The following DDX60L variants were observed in gnomAD, a reference collection of about 807,000 sequenced individuals.
The protein encoded by DDX60L is probable ATP-dependent RNA helicase DDX60-like.
In DDX60L, 191 loss-of-function variants were observed where a neutral mutation model predicts 211.6. That is an observed-to-expected ratio of 0.90 (90% CI 0.80 to 1.02). The LOEUF (loss-of-function observed/expected upper bound fraction) is 1.02. Among genes scored for constraint, DDX60L ranks in the 50% least tolerant of loss-of-function variants. The pLI is 0.00. For missense variants in DDX60L, 2,007 were observed against 1,984.1 expected, an observed-to-expected ratio of 1.01 and a Z score of -0.22; for synonymous variants, 706 against 694.1, an observed-to-expected ratio of 1.02 and a Z score of -0.27.
chr4:168,424,861 G>T (rs930736056), intron 14 of DDX60L, among the ~76,000 whole-genome samples: 1 of 152,168 alleles, frequency 6.6e-6, no homozygotes, highest in African/African-American at 2.4e-5. Flanking sequence ...TAATCTCTCT[G>T]TGGTTTGGTG....
In DDX60L at chr4:168,422,638, C is replaced by G. The variant is rs762455081; in HGVS notation, c.2130G>C (p.Ser710=). The stretch of plus-strand genomic sequence containing the variant: ...GAAACCGAGCTGGTCCAATGTCAAT[C>G]GAATATTTCTTCTTATTTTTGTCAT... ...IGDDKNKKKY[S]IDIGPARFQL... The change falls in exon 16 of 38, where the codon TCG becomes TCC. Residue 710 remains serine (S), a synonymous_variant. Transcript: ENST00000682922. 2.5e-6 allele frequency: 4 copies of G among 1,608,492 alleles called. No individual in the cohort carries two copies. In the African/African-American group the frequency reaches 4.0e-5, roughly 16 times the overall value.
rs1254447238 is a variant in DDX60L, at chr4:168,419,334, C to A, written c.2578G>T (p.Val860Leu). 3 of 1,599,198 alleles carry A rather than the reference C, an allele frequency of 1.9e-6. No homozygotes were observed. Among genetic ancestry groups the A allele is most frequent in the African/African-American group, 2.7e-5 (2 of 74,710 alleles). ...LLLAPHRQKW[V>L]ERIRYVIFDE... ...AATATAACATATCTGATCCTTTCCA[C>A]CCATTTTTGGCGATGAGGAGCAAGC... The change falls in exon 19 of 38, where the codon GTG becomes TTG. Residue 860 changes from valine (V) to leucine (L), a missense_variant. Coordinates refer to ENST00000682922, the MANE Select transcript of DDX60L (RefSeq NM_001012967.3).
At chr4:168,391,747 A>C in intron 28 of DDX60L, 103 bp from the exon 29 acceptor site, 2 of 567,348 alleles carry the variant, frequency 3.5e-6, no homozygotes, top group Non-Finnish European at 6.0e-6. Flanking sequence ...TAGAGCTTTA[A>C]CAAACCACAT....
chr4:168,432,956 C>T, intron 11 of DDX60L, 54 bp downstream of exon 11: 1 of 1,103,838 alleles, frequency 9.1e-7, no homozygotes, highest in South Asian at 1.4e-5. Context: ...TCATTCACTT[C>T]ACTAGTATTT....
At chr4:168,420,642 GAGAT>G (rs3068291) in intron 17 of DDX60L, among the ~76,000 whole-genome samples, 47,545 of 135,670 alleles carry the variant, frequency 0.35, 8,482 homozygotes, top group East Asian at 0.51. Context: ...ACACACACAT[GAGAT>G]AGATAGATAG....
At position 168,400,836 on chromosome 4, in the gene DDX60L, G is replaced by T; in HGVS notation, c.3481C>A (p.Gln1161Lys). The T allele has an allele frequency of 6.2e-7, 1 of 1,610,666 alleles. No homozygotes were observed. The highest frequency in any genetic ancestry group is 8.5e-7 in the Non-Finnish European group (1 of 1,178,602). Residue 1161 changes from glutamine (Q) to lysine (K), a missense_variant, in exon 26 of 38, where the codon CAG becomes AAG. Physicochemically the swap from Gln to Lys is moderately conservative, Grantham distance 53. Transcript: ENST00000682922. ...DEVLEKVRKT[Q>K]KRITKKNPKK... Reference sequence around the variant, plus strand: ...AACATTAATACTTACATCCTTTTCTGTGTCTTCCTCACTTTTTCAAGTACT... The same window carrying T: ...AACATTAATACTTACATCCTTTTCTTTGTCTTCCTCACTTTTTCAAGTACT...
intron 36 of DDX60L, among the ~76,000 whole-genome samples, chr4:168,369,533 A>G (rs1402583532): frequency 1.3e-5 from 2 of 151,756 alleles, no homozygotes; most frequent in South Asian, 2.1e-4. Flanking sequence ...CTGGGCAAGG[A>G]TTTTTTAAAT....
rs762827126 is a variant in DDX60L at position 168,456,145 on chromosome 4, T to C, written c.731A>G (p.Gln244Arg). Residue 244 changes from glutamine (Q) to arginine (R), a missense_variant, in exon 7 of 38, where the codon CAG (glutamine) becomes CGG (arginine). Coordinates refer to ENST00000682922, the MANE Select transcript of DDX60L (RefSeq NM_001012967.3). ...KWNDMMEEAYQTLFLLQHLWS... is the reference protein window; with the variant it reads ...KWNDMMEEAYRTLFLLQHLWS... ...TAGGTGCTGAAGCAGAAATAGAGTC[T>C]GATACGCCTATCAAAAAAGAAATTT... 1.2e-5 allele frequency: 19 copies of C among 1,543,646 alleles called. No homozygotes were observed. The highest frequency in any genetic ancestry group is 1.6e-5 in the Non-Finnish European group (19 of 1,152,698).
At chr4:168,447,809 A>G (rs1755049523) in intron 9 of DDX60L, among the ~76,000 whole-genome samples, 1 of 146,058 alleles carries the variant, frequency 6.8e-6, no homozygotes, top group South Asian at 2.2e-4. Flanking sequence ...ATTCTCACTC[A>G]TAGGTGGGAA....
chr4:168,387,302 C>T (rs1366650636), intron 29 of DDX60L, among the ~76,000 whole-genome samples: 5 of 152,242 alleles, frequency 3.3e-5, no homozygotes. Flanking sequence ...ATCTCCACTC[C>T]TAGCTGTTTG....
At chr4:168,372,563 T>TA (rs2149640306) in intron 35 of DDX60L, among the ~76,000 whole-genome samples, 1 of 151,882 alleles carries the variant, frequency 6.6e-6, no homozygotes, top group East Asian at 1.9e-4. Context: ...CCATCTCTAC[T>TA]AAAAATATAA....
chr4:168,442,922 G>T (rs1211753437), intron 9 of DDX60L, among the ~76,000 whole-genome samples: 1 of 151,898 alleles, frequency 6.6e-6, no homozygotes, highest in African/African-American at 2.4e-5. Flanking sequence ...CCACAAAGAT[G>T]GGGAAAAAAC....
intron 18 of DDX60L, among the ~76,000 whole-genome samples, chr4:168,419,989 C>A (rs1750224164): frequency 6.6e-6 from 1 of 152,154 alleles, no homozygotes; most frequent in African/African-American, 2.4e-5. Context: ...TTTGTCAAAT[C>A]TACTTGACTC....
chr4:168,404,153 G>A, intron 24 of DDX60L, 47 bp from the exon 25 acceptor site: 3 of 1,133,732 alleles, frequency 2.6e-6, no homozygotes, highest in East Asian at 3.2e-5. Flanking sequence ...AAGAATTTGT[G>A]GAAACAGAAG....
At chr4:168,439,953 A>G (rs1390144303) in intron 10 of DDX60L, among the ~76,000 whole-genome samples, 1 of 152,224 alleles carries the variant, frequency 6.6e-6, no homozygotes, top group Non-Finnish European at 1.5e-5. Flanking sequence ...CTCAGCAGGC[A>G]CTTCACAAGA....
intron 26 of DDX60L, among the ~76,000 whole-genome samples, chr4:168,399,300 A>G (rs1327496943): frequency 6.6e-6 from 1 of 152,180 alleles, no homozygotes; most frequent in Non-Finnish European, 1.5e-5. Context: ...GAGCTCCCCA[A>G]GCCATGGCTG....
At chr4:168,411,649 T>A (rs1339553161) in intron 22 of DDX60L, among the ~76,000 whole-genome samples, 1 of 151,990 alleles carries the variant, frequency 6.6e-6, no homozygotes, top group Non-Finnish European at 1.5e-5. Context: ...TAAATAAACT[T>A]GAAAAGCAGC....
At chr4:168,477,211 C>T (rs185736022) in intron 1 of DDX60L, among the ~76,000 whole-genome samples, 111 of 152,142 alleles carry the variant, frequency 7.3e-4, no homozygotes, top group Admixed American at 1.7e-3. Context: ...GTCAGGAGAT[C>T]GAGACCATCC....
In DDX60L at chr4:168,394,370, G is replaced by A. The variant is rs1203081427; in HGVS notation, c.3810+95C>T. The A allele has an allele frequency of 4.1e-6, 4 of 984,714 alleles. No individual in the cohort carries two copies. The Admixed American group carries it at 1.2e-4, about 29-fold the overall frequency. The allele number at this position is 984,714 out of a possible 1,614,324, so 61.0% of individuals were successfully genotyped here. A position where few individuals can be genotyped will look rare whatever the true frequency, so the allele number is the denominator to read the frequency against. The stretch of plus-strand genomic sequence containing the variant: ...TGTAATAAAAAGACACTGGTTAGAT[G>A]AGAAAACCAACTGGTATAATTTTTT... On this transcript the variant is annotated intron_variant, in intron 28 of 37. Coordinates refer to ENST00000682922, the MANE Select transcript of DDX60L (RefSeq NM_001012967.3).
Sources: gnomAD v4.1 joint callset for allele counts (sites outside exome capture counted in the v4.1 genomes callset) on GRCh38, gnomAD v4.1.1 for gene constraint, MANE v1.5 for transcripts, NCBI Gene and HGNC (gene_info 2026-07-23, HGNC 2026-07-21) for gene names.